Variants in RTTN observed in about 807,000 individuals in gnomAD.
The protein encoded by RTTN is rotatin.
In RTTN, 182 loss-of-function variants were observed where a neutral mutation model predicts 269.2. The observed-to-expected ratio is 0.68, with a 90% confidence interval of 0.60 to 0.76. RTTN has a LOEUF of 0.76. Ranked by LOEUF, RTTN falls within the 30% of genes least tolerant of loss-of-function variation. The probability of loss-of-function intolerance (pLI) is 0.00; values close to 1 mark genes in which losing one functional copy is unlikely to be tolerated. For missense variants in RTTN, 2,545 were observed against 2,608.6 expected (o/e 0.98, Z 0.53); for synonymous variants, 1,006 against 963.5 (o/e 1.04, Z -0.82).
chr18:70,145,627 T>C lies in RTTN; in HGVS notation c.2466A>G (p.Arg822=), dbSNP rs115470168. Residue 822 remains arginine, a synonymous_variant, in exon 18 of 49, where the codon AGA becomes AGG. Transcript: ENST00000640769. ...TTATAGTCACCTTAATAACCAGCTC[T>C]CTTCTGTCATCCAGTCTGAGTTCAA... ...KPIELRLDDR[R]ELVIKLETVE... is the part of the protein sequence containing the mutation. 1,529 of 1,603,052 alleles carry C rather than the reference T, an allele frequency of 9.5e-4. 15 individuals carry two copies. In the African/African-American group the frequency reaches 0.019, roughly 20 times the overall value.
At chr18:70,176,184 CGTAGAT>C (rs149336764) in intron 11 of RTTN, among the ~76,000 whole-genome samples, 3,496 of 145,340 alleles carry the variant, frequency 0.024, 66 homozygotes, top group African/African-American at 0.048. Flanking sequence ...TATATGTATA[CGTAGAT>C]GTAGATGTAG....
At chr18:70,129,926 C>T (rs2059956480) in intron 23 of RTTN, 2 of 46,908 alleles carry the variant, frequency 4.3e-5, no homozygotes, top group Non-Finnish European at 2.0e-4. Context: ...AACAACTTAA[C>T]AGCAAAATAA....
chr18:70,008,064 G>C (rs147542481), intron 46 of RTTN: 1 of 156,016 alleles, frequency 6.4e-6, no homozygotes, highest in African/African-American at 2.4e-5. Flanking sequence ...GGAAGGAGCA[G>C]GCAGCAATCT....
chr18:70,084,984 C>T (rs546908324), intron 32 of RTTN, among the ~76,000 whole-genome samples: 1 of 152,214 alleles, frequency 6.6e-6, no homozygotes, highest in South Asian at 2.1e-4. Flanking sequence ...TGTATTACAA[C>T]ATAATGTCCC....
At chr18:70,110,170 A>G (rs2059425177) in intron 27 of RTTN, among the ~76,000 whole-genome samples, 1 of 151,894 alleles carries the variant, frequency 6.6e-6, no homozygotes, top group Non-Finnish European at 1.5e-5. Flanking sequence ...GCTTGAGGTT[A>G]CAGTGAACTA....
At chr18:70,188,402 C>A (rs541032111) in intron 9 of RTTN, among the ~76,000 whole-genome samples, 179 bp from the exon 10 acceptor site, 6 of 152,242 alleles carry the variant, frequency 3.9e-5, no homozygotes, top group Admixed American at 3.9e-4. Flanking sequence ...GGCTTCTGTT[C>A]CAGTCACAGT....
At chr18:70,203,482 C>T (rs186007426) in intron 3 of RTTN, among the ~76,000 whole-genome samples, 1 of 152,318 alleles carries the variant, frequency 6.6e-6, no homozygotes, top group East Asian at 1.9e-4. Context: ...GCGTGAGCCA[C>T]CATGCCCAGC....
At position 70,139,730 on chromosome 18, in the gene RTTN, A is replaced by G. The variant is rs748555979; in HGVS notation, c.2671-14T>C. On this transcript the variant is annotated splice_polypyrimidine_tract_variant and intron_variant, in intron 20 of 48. Coordinates refer to ENST00000640769, the MANE Select transcript of RTTN (RefSeq NM_173630.4). ...ACATTCTACAACCTGGGCCAGGAGG[A>G]AAAACACAGCTTTTCATTTTCACCA... The G allele has an allele frequency of 2.7e-6, 4 of 1,475,802 alleles. No homozygotes were observed. Among genetic ancestry groups the G allele is most frequent in the Middle Eastern group, 3.5e-4 (2 of 5,782 alleles). The allele number at this position is 1,475,802 out of a possible 1,614,324, so 91.4% of individuals were successfully genotyped here.
intron 26 of RTTN, among the ~76,000 whole-genome samples, chr18:70,115,382 A>G (rs2059577947): frequency 6.6e-6 from 1 of 151,838 alleles, no homozygotes; most frequent in African/African-American, 2.4e-5. Context: ...TCTTTTCCCA[A>G]CTAAAAAAAA....
intron 10 of RTTN, among the ~76,000 whole-genome samples, chr18:70,180,948 G>A (rs532364630): frequency 5.3e-5 from 8 of 152,072 alleles, no homozygotes; most frequent in Non-Finnish European, 7.4e-5. Context: ...TATTAATAAC[G>A]GGCAATCAAG....
chr18:70,061,213 T>A, intron 35 of RTTN: 10 of 371,094 alleles, frequency 2.7e-5, no homozygotes, highest in South Asian at 2.1e-4. Context: ...GTATGAGAGC[T>A]CCCTTTTCTC....
intron 37 of RTTN, among the ~76,000 whole-genome samples, chr18:70,057,057 C>A (rs1003669538): frequency 6.6e-6 from 1 of 152,156 alleles, no homozygotes; most frequent in Non-Finnish European, 1.5e-5. Context: ...AAAGACCATG[C>A]GTGTAGCATT....
Position 70,169,015 on chromosome 18 carries a change from A to G in RTTN, c.1529T>C (p.Leu510Ser), listed in dbSNP as rs1568501484. 1.2e-6 allele frequency: 2 copies of G among 1,612,874 alleles called. No homozygotes were observed. The highest frequency in any genetic ancestry group is 2.2e-5 in the South Asian group (2 of 90,818). ...PMSTALFLLS[L>S]DMPISLEYPN... is the part of the protein sequence containing the mutation. Reference sequence around the variant, plus strand: ...ATATTCCAAAGAAATAGGCATGTCCAAAGAAAGGAGAAATAATGCTGTTGA... The same window carrying G: ...ATATTCCAAAGAAATAGGCATGTCCGAAGAAAGGAGAAATAATGCTGTTGA... Residue 510 changes from leucine (L) to serine (S), a missense_variant, in exon 12 of 49, where the codon TTG becomes TCG. Leu to Ser is a moderately radical substitution (Grantham distance 145). Transcript: ENST00000640769.
chr18:70,205,106 C>A (rs188876655), intron 2 of RTTN, 22 bp downstream of exon 2: 35 of 1,601,518 alleles, frequency 2.2e-5, no homozygotes, highest in Non-Finnish European at 2.7e-5. Context: ...TGATTATTTT[C>A]TTTATTTCAA....
intron 22 of RTTN, 96 bp from the exon 23 acceptor site, chr18:70,134,637 G>T: frequency 1.3e-6 from 1 of 763,262 alleles, no homozygotes; most frequent in Non-Finnish European, 2.2e-6. Flanking sequence ...GACTGCAAAT[G>T]AAATCAAGCA....
chr18:70,004,187 A>G lies in RTTN; in HGVS notation c.6645T>C (p.Cys2215=). ...ANPLNAYYLK[C]LENLVQLLNS... Reference sequence around the variant, plus strand: ...TAAGGAGCTGCACGAGGTTTTCAAGACATTTCAAATAATAGGCATTTAGAG... The same window carrying G: ...TAAGGAGCTGCACGAGGTTTTCAAGGCATTTCAAATAATAGGCATTTAGAG... Residue 2215 remains cysteine, a synonymous_variant, in exon 49 of 49, where the codon TGT becomes TGC. Transcript: ENST00000640769. 1 of 1,613,912 alleles carries G rather than the reference A, an allele frequency of 6.2e-7. No homozygotes were observed. Among genetic ancestry groups the G allele is most frequent in the Non-Finnish European group, 8.5e-7 (1 of 1,179,826 alleles).
chr18:70,128,323 T>C (rs1263906055), intron 24 of RTTN, 35 bp downstream of exon 24: 7 of 1,541,476 alleles, frequency 4.5e-6, no homozygotes, highest in African/African-American at 4.1e-5. Context: ...AATTAATTAA[T>C]TGCAAATGCT....
At chr18:70,137,819 T>C (rs1029018601) in intron 21 of RTTN, among the ~76,000 whole-genome samples, 1 of 152,190 alleles carries the variant, frequency 6.6e-6, no homozygotes, top group Non-Finnish European at 1.5e-5. Flanking sequence ...TGTGGTGTAC[T>C]GTATATTTAC....
At chr18:70,032,349 T>C (rs776439544) in intron 40 of RTTN, among the ~76,000 whole-genome samples, 1 of 152,028 alleles carries the variant, frequency 6.6e-6, no homozygotes, top group Admixed American at 6.5e-5. Context: ...ACTAGCAGAG[T>C]GCTCTAGCAG....
Sources: gnomAD v4.1 joint callset for allele counts (sites outside exome capture counted in the v4.1 genomes callset) on GRCh38, gnomAD v4.1.1 for gene constraint, MANE v1.5 for transcripts, NCBI Gene and HGNC (gene_info 2026-07-23, HGNC 2026-07-21) for gene names.